The following ELN variants were observed in gnomAD, a reference collection of about 807,000 sequenced individuals.
The protein encoded by ELN is tropoelastin.
ELN carries 65 observed loss-of-function variants against 105.8 expected under a neutral mutation model. That is an observed-to-expected ratio of 0.61 (90% confidence interval 0.50 to 0.75). The LOEUF (loss-of-function observed/expected upper bound fraction) is 0.75. Among genes scored for constraint, ELN ranks in the 30% least tolerant of loss-of-function variants. The probability of loss-of-function intolerance (pLI) is 0.00; values close to 1 mark genes in which losing one functional copy is unlikely to be tolerated. For synonymous variants in ELN, 368 were observed against 389.2 expected, an observed-to-expected ratio of 0.95 and a Z score of 0.64; for missense variants, 882 against 969.4, an observed-to-expected ratio of 0.91 and a Z score of 1.20.
intron 13 of ELN, 110 bp from the exon 14 acceptor site, chr7:74,048,032 G>A: frequency 7.6e-7 from 1 of 1,324,124 alleles, no homozygotes; most frequent in Non-Finnish European, 1.1e-6. Context: ...GGCTGGGGGT[G>A]ACAGGTGCAG....
rs1554678552 is a variant in ELN, at chr7:74,054,772, G to A, written c.1150+3G>A. ...AGCTGCAAAGGCAGCCAAATACGGT[G>A]AGTGCTATGCTGACAGCTCTGCCCC... On this transcript the variant is annotated splice_donor_region_variant and intron_variant, in intron 19 of 32. Coordinates refer to ENST00000252034, the MANE Select transcript of ELN (RefSeq NM_000501.4). The A allele has an allele frequency of 1.2e-6, 2 of 1,614,084 alleles. No homozygotes were observed. The highest frequency in any genetic ancestry group is 2.2e-5 in the East Asian group (1 of 44,890).
Position 74,056,713 on chromosome 7 carries a change from G to A in ELN, c.1357G>A (p.Gly453Arg), listed in dbSNP as rs781802762. 1.7e-5 allele frequency: 27 copies of A among 1,613,650 alleles called. No individual in the cohort carries two copies. Among genetic ancestry groups the A allele is most frequent in the African/African-American group, 1.2e-4 (9 of 74,930 alleles). Reference protein sequence around the residue: ...AAAAAKAAKYGVGTPAAAAAK... With the variant: ...AAAAAKAAKYRVGTPAAAAAK... ...AGCTGCCGCCAAGGCTGCCAAGTAC[G>A]GTAAGTGCCCCTGCCCTGCCTGTCC... The change falls in exon 21 of 33, where the codon GGA becomes AGA. Residue 453 changes from glycine (G) to arginine (R), a missense_variant and splice_region_variant. By Grantham distance (125) the Gly-to-Arg change is moderately radical (BLOSUM62 -2). Coordinates refer to ENST00000252034, the MANE Select transcript of ELN (RefSeq NM_000501.4).
intron 11 of ELN, 41 bp from the exon 12 acceptor site, chr7:74,046,654 AG>A: frequency 6.2e-7 from 1 of 1,609,634 alleles, no homozygotes; most frequent in Middle Eastern, 1.7e-4. Context: ...AGGGTTTGGA[AG>A]GGGGTGCTGG....
intron 4 of ELN, among the ~76,000 whole-genome samples, chr7:74,039,436 G>A (rs781971307): frequency 1.3e-5 from 2 of 152,208 alleles, no homozygotes; most frequent in Non-Finnish European, 2.9e-5. Flanking sequence ...CCCCACATCC[G>A]GGCTGCCAGG....
chr7:74,046,258 G>A, intron 11 of ELN, 41 bp downstream of exon 11: 1 of 1,614,016 alleles, frequency 6.2e-7, no homozygotes, highest in Non-Finnish European at 8.5e-7. Flanking sequence ...GGCCAGCCAG[G>A]CAGAGGCTCT....
In ELN at chr7:74,063,658, C is replaced by T. The variant is rs1469217967; in HGVS notation, c.1956C>T (p.Val652=). The T allele has an allele frequency of 2.3e-5, 37 of 1,613,430 alleles. No individual in the cohort carries two copies. Among genetic ancestry groups the T allele is most frequent in the Non-Finnish European group, 3.0e-5 (35 of 1,179,714 alleles). The change falls in exon 29 of 33, where the codon GTC becomes GTT. Residue 652 remains valine, a synonymous_variant. Coordinates refer to ENST00000252034, the MANE Select transcript of ELN (RefSeq NM_000501.4). The surrounding 1 kb of genome is among the most constrained non-coding windows in gnomAD (Gnocchi z 4.1). The stretch of plus-strand genomic sequence containing the variant: ...CCGCTGGGCTCGGAGGACTCGGAGT[C>T]GGAGGGCTTGGAGTTCCAGGTGTTG... ...VGAAGLGGLG[V]GGLGVPGVGG... is the part of the protein sequence containing the mutation.
intron 1 of ELN, among the ~76,000 whole-genome samples, chr7:74,034,578 G>A (rs1245425404): frequency 1.3e-5 from 2 of 152,172 alleles, no homozygotes; most frequent in Non-Finnish European, 2.9e-5. Context: ...GGAGGTGCAC[G>A]CCTGTAGTCC....
At chr7:74,052,683 AAGGAAGGG>A (rs1162679309) in intron 17 of ELN, 1 of 149,104 alleles carries the variant, frequency 6.7e-6, no homozygotes, top group African/African-American at 2.7e-5. Context: ...GGAAGGAAGG[AAGGAAGGG>A]AGGGAGGGAG....
Position 74,063,797 on chromosome 7 carries a change from C to A in ELN, c.1993+102C>A, listed in dbSNP as rs1182608578. On this transcript the variant is annotated intron_variant, in intron 29 of 32. Transcript: ENST00000252034. The surrounding 1 kb of genome is among the most constrained non-coding windows in gnomAD (Gnocchi z 4.1). ...GAGACTTTCGTTCCCACCCCTGGCA[C>A]GTCTTTGCTCAAGATGTCCTCTTGG... is the stretch of plus-strand genomic sequence containing the variant. 6.6e-7 allele frequency: 1 copy of A among 1,517,580 alleles called. No individual in the cohort carries two copies. The highest frequency in any genetic ancestry group is 9.1e-7 in the Non-Finnish European group (1 of 1,099,404). The allele number at this position is 1,517,580 out of a possible 1,614,324, so 94.0% of individuals were successfully genotyped here.
At chr7:74,068,631 A>G in intron 32 of ELN, 26 bp from the exon 33 acceptor site, 1 of 1,614,056 alleles carries the variant, frequency 6.2e-7, no homozygotes, top group Non-Finnish European at 8.5e-7. Context: ...CCGGACTCAC[A>G]GTGATGTGCA....
At chr7:74,036,640 C>A in intron 3 of ELN, 56 bp downstream of exon 3, 1 of 1,612,436 alleles carries the variant, frequency 6.2e-7, no homozygotes. Context: ...TTCACCCGAG[C>A]CACATGCATC....
chr7:74,065,838 C>T (rs1797816223), intron 30 of ELN, 106 bp downstream of exon 30: 1 of 1,610,832 alleles, frequency 6.2e-7, no homozygotes, highest in Non-Finnish European at 8.5e-7. Context: ...TCCCCCTACC[C>T]CTGAAGATCT....
chr7:74,030,441 C>T (rs1370995175), intron 1 of ELN, among the ~76,000 whole-genome samples: 1 of 148,878 alleles, frequency 6.7e-6, no homozygotes, highest in East Asian at 2.0e-4. Flanking sequence ...AATTCTTCCC[C>T]ATCCCCCAGA....
chr7:74,055,862 C>T (rs371817777), intron 19 of ELN, among the ~76,000 whole-genome samples: 1 of 152,052 alleles, frequency 6.6e-6, no homozygotes, highest in African/African-American at 2.4e-5. Context: ...TCTCCGCTCA[C>T]TGCAAGCTCC....
At chr7:74,030,723 C>T (rs564322946) in intron 1 of ELN, among the ~76,000 whole-genome samples, 17 of 152,026 alleles carry the variant, frequency 1.1e-4, no homozygotes, top group African/African-American at 3.9e-4. Flanking sequence ...TATTGTTTTC[C>T]GTCCTTAAGT....
At position 74,058,264 on chromosome 7, in the gene ELN, CCTT is replaced by C. The variant is rs1428597592; in HGVS notation, c.1414+582_1414+584del. ...TTTCTCCTTCTTTCTTCTTCTTTCT[CCTT>C]CTTCTTCTTCTTCCTCTGCTTCTTT... On this transcript the variant is annotated intron_variant, in intron 22 of 32. Coordinates refer to ENST00000252034, the MANE Select transcript of ELN (RefSeq NM_000501.4). Among the ~76,000 whole-genome samples, 78 of 54,434 alleles carry C rather than the reference CCTT, an allele frequency of 1.4e-3. 1 individual carries two copies. The highest frequency in any genetic ancestry group is 5.9e-3 in the Admixed American group (26 of 4,370). 35.7% of individuals were successfully genotyped at this position (54,434 alleles called of 152,430 possible). A position where few individuals can be genotyped will look rare whatever the true frequency, so the allele number is the denominator to read the frequency against.
intron 32 of ELN, among the ~76,000 whole-genome samples, chr7:74,068,299 C>T (rs1798423002): frequency 6.6e-6 from 1 of 152,230 alleles, no homozygotes; most frequent in Non-Finnish European, 1.5e-5. Context: ...CAGACACTGA[C>T]TCTCCCTTCA....
rs372315353 is a variant in ELN at position 74,063,335 on chromosome 7, C to T, written c.1884C>T (p.Ala628=). 3.5e-4 allele frequency: 550 copies of T among 1,550,842 alleles called. 2 individuals carry two copies. Among genetic ancestry groups the T allele is most frequent in the African/African-American group, 7.1e-4 (52 of 73,386 alleles). The part of the protein sequence containing the change: ...VVGAGPAAAA[A]AAKAAAKAAQ... ...GAGCCGGACCCGCCGCCGCCGCTGC[C>T]GCAGCCAAAGCTGCTGCCAAAGCCG... Residue 628 remains alanine, a synonymous_variant, in exon 28 of 33, where the codon GCC becomes GCT. Transcript: ENST00000252034. This position sits in a 1 kb window ranked among gnomAD's most constrained non-coding sequence, Gnocchi z 4.1.
intron 31 of ELN, 139 bp from the exon 32 acceptor site, chr7:74,066,592 TA>T: frequency 2.0e-6 from 1 of 492,434 alleles, no homozygotes; most frequent in Non-Finnish European, 3.4e-6. Flanking sequence ...AAATAAAATA[TA>T]AAAAATTATA....
Sources: gnomAD v4.1 joint callset for allele counts (sites outside exome capture counted in the v4.1 genomes callset) on GRCh38, gnomAD v4.1.1 for gene constraint, Gnocchi (gnomAD v3.1) non-coding constraint, MANE v1.5 for transcripts, NCBI Gene and HGNC (gene_info 2026-07-23, HGNC 2026-07-21) for gene names.